The following KIAA1671 variants were observed in gnomAD, a reference collection of about 807,000 sequenced individuals.
KIAA1671 encodes uncharacterized protein KIAA1671.
A neutral mutation model predicts 131.2 loss-of-function variants in KIAA1671; 52 were observed. The observed-to-expected ratio is 0.40, with a 90% CI of 0.32 to 0.50. KIAA1671 has a LOEUF of 0.50. Among genes scored for constraint, KIAA1671 ranks in the 20% least tolerant of loss-of-function variants. The pLI is 0.73. For synonymous variants in KIAA1671, 1,003 were observed against 961.6 expected, an observed-to-expected ratio of 1.04 and a Z score of -0.80; for missense variants, 2,360 against 2,364.2, an observed-to-expected ratio of 1.00 and a Z score of 0.04.
At chr22:25,155,605 T>G (rs1250830007) in intron 6 of KIAA1671, among the ~76,000 whole-genome samples, 4 of 152,080 alleles carry the variant, frequency 2.6e-5, no homozygotes, top group Admixed American at 2.6e-4. Context: ...TGTGCTTGTG[T>G]ATATTTGTGT....
intron 6 of KIAA1671, chr22:25,050,148 T>C (rs1927460466): frequency 6.6e-6 from 1 of 152,464 alleles, no homozygotes; most frequent in Non-Finnish European, 1.5e-5. Flanking sequence ...TGGCTCTTGC[T>C]TATCTCTGTG....
chr22:25,029,337 G>T lies in KIAA1671; in HGVS notation c.1338G>T (p.Glu446Asp). The T allele has an allele frequency of 2.6e-6, 4 of 1,549,202 alleles. No individual in the cohort carries two copies. Among genetic ancestry groups the T allele is most frequent in the Non-Finnish European group, 3.5e-6 (4 of 1,145,652 alleles). The part of the protein sequence containing the change: ...SVRKCISLFR[E>D]DSTLALAVGS... ...GGAAGTGCATCAGCCTGTTTCGGGA[G>T]GACAGCACCTTGGCCTTGGCAGTGG... The change falls in exon 3 of 13, where the codon GAG becomes GAT. Residue 446 changes from glutamate to aspartate, a missense_variant. By Grantham distance (45) the Glu-to-Asp change is conservative. Around this residue, in one of 3 missense-constraint regions of KIAA1671, gnomAD observed 1,185 missense variants for 1,126.2 expected, o/e 1.05. Coordinates refer to ENST00000358431, the MANE Select transcript of KIAA1671 (RefSeq NM_001145206.2).
At chr22:25,168,874 C>CA (rs1329384488) in intron 6 of KIAA1671, among the ~76,000 whole-genome samples, 1 of 151,910 alleles carries the variant, frequency 6.6e-6, no homozygotes, top group East Asian at 1.9e-4. Flanking sequence ...TTGTTTGGAG[C>CA]AAGGGTAGGG....
chr22:25,018,669 A>G (rs1051650323), intron 1 of KIAA1671, among the ~76,000 whole-genome samples: 1 of 152,186 alleles, frequency 6.6e-6, no homozygotes, highest in African/African-American at 2.4e-5. Flanking sequence ...ATTTGTCCTT[A>G]CATGTCTGCT....
At position 25,170,858 on chromosome 22, in the gene KIAA1671, A is replaced by C; in HGVS notation, c.4569A>C (p.Glu1523Asp). ...AGTGTTTCTCCCGGCAGCCCACTGA[A>C]CCCAAGGACACTGACACCCTCGTGC... ...LKQCFSRQPT[E>D]PKDTDTLVHE... The change falls in exon 7 of 13, where the codon GAA becomes GAC. Residue 1523 changes from glutamate to aspartate, a missense_variant. Around this residue, in one of 3 missense-constraint regions of KIAA1671, gnomAD observed 1,161 missense variants for 1,204.7 expected, o/e 0.96. Coordinates refer to ENST00000358431, the MANE Select transcript of KIAA1671 (RefSeq NM_001145206.2). 1 of 1,551,608 alleles carries C rather than the reference A, an allele frequency of 6.4e-7. No homozygotes were observed. The highest frequency in any genetic ancestry group is 8.7e-7 in the Non-Finnish European group (1 of 1,146,990).
At chr22:25,187,129 C>A (rs774058692) in intron 11 of KIAA1671, among the ~76,000 whole-genome samples, 168 of 152,178 alleles carry the variant, frequency 1.1e-3, no homozygotes, top group Non-Finnish European at 1.9e-3. Context: ...CAGGTGCAGA[C>A]CCCCACTGTA....
At chr22:25,169,228 G>A (rs1297487222) in intron 6 of KIAA1671, among the ~76,000 whole-genome samples, 1 of 151,956 alleles carries the variant, frequency 6.6e-6, no homozygotes, top group Non-Finnish European at 1.5e-5. Flanking sequence ...ACCAGCCTGG[G>A]CAACATGACG....
intron 6 of KIAA1671, among the ~76,000 whole-genome samples, chr22:25,150,902 G>C (rs1046243971): frequency 6.8e-6 from 1 of 146,580 alleles, no homozygotes; most frequent in South Asian, 2.2e-4. Flanking sequence ...GCGCAATCTC[G>C]GCTTACTGCA....
intron 10 of KIAA1671, among the ~76,000 whole-genome samples, chr22:25,182,155 G>A (rs1030895985): frequency 1.1e-4 from 16 of 151,460 alleles, no homozygotes; most frequent in African/African-American, 3.9e-4. Context: ...CTCCAGCCTG[G>A]GCGACAGAGC....
At chr22:25,114,624 T>C (rs1159523628) in intron 6 of KIAA1671, among the ~76,000 whole-genome samples, 1 of 152,180 alleles carries the variant, frequency 6.6e-6, no homozygotes, top group Non-Finnish European at 1.5e-5. Flanking sequence ...GATCGTGCAT[T>C]GATGTGCTGG....
chr22:25,116,169 C>T (rs1259120752), intron 6 of KIAA1671, among the ~76,000 whole-genome samples: 3 of 152,114 alleles, frequency 2.0e-5, no homozygotes, highest in Non-Finnish European at 2.9e-5. Flanking sequence ...GCCTCGATAC[C>T]CTGCGTTCAA....
rs1926855646 is a variant in KIAA1671, at chr22:25,040,523, G to T, written c.3393G>T (p.Trp1131Cys). 3.4e-5 allele frequency: 52 copies of T among 1,551,816 alleles called. No homozygotes were observed. The South Asian group carries it at 5.9e-4, about 18-fold the overall frequency. ...NGRIIDVDAL[W>C]SHRGSEDGPR... ...GAATCATTGATGTGGATGCCTTATG[G>T]AGTCATCGGGGATCAGAAGATGGCC... is the stretch of plus-strand genomic sequence containing the variant. The change falls in exon 5 of 13, where the codon TGG becomes TGT. Residue 1131 changes from tryptophan to cysteine, a missense_variant. By Grantham distance (215) the Trp-to-Cys change is radical (BLOSUM62 -2). Coordinates refer to ENST00000358431, the MANE Select transcript of KIAA1671 (RefSeq NM_001145206.2).
At chr22:25,149,909 G>C (rs553932356) in intron 6 of KIAA1671, among the ~76,000 whole-genome samples, 1 of 152,212 alleles carries the variant, frequency 6.6e-6, no homozygotes, top group South Asian at 2.1e-4. Flanking sequence ...CCACCTCCAG[G>C]AAGCCTTCCC....
intron 1 of KIAA1671, among the ~76,000 whole-genome samples, chr22:24,953,818 T>C (rs1185851544): frequency 6.6e-6 from 1 of 152,124 alleles, no homozygotes; most frequent in Non-Finnish European, 1.5e-5. Flanking sequence ...GACTGAACTT[T>C]CTCTAGCCAG....
intron 1 of KIAA1671, among the ~76,000 whole-genome samples, chr22:25,005,609 C>A (rs974030452): frequency 1.3e-5 from 2 of 152,192 alleles, no homozygotes; most frequent in African/African-American, 4.8e-5. Context: ...TAACCCAAGA[C>A]CTCTACTTTA....
At chr22:25,037,335 A>G (rs997295566) in intron 4 of KIAA1671, among the ~76,000 whole-genome samples, 3 of 152,118 alleles carry the variant, frequency 2.0e-5, no homozygotes, top group Non-Finnish European at 2.9e-5. Flanking sequence ...AAATATGTAT[A>G]TATGTGTATA....
At chr22:24,997,844 A>G (rs1300310655) in intron 1 of KIAA1671, among the ~76,000 whole-genome samples, 1 of 152,146 alleles carries the variant, frequency 6.6e-6, no homozygotes, top group Non-Finnish European at 1.5e-5. Flanking sequence ...GGTCCCAGAG[A>G]GCATCTTTAT....
intron 1 of KIAA1671, among the ~76,000 whole-genome samples, chr22:24,957,671 C>CTTTTTTTTTTTT (rs886130979): frequency 3.0e-5 from 3 of 100,322 alleles, no homozygotes; most frequent in Admixed American, 1.0e-4. Flanking sequence ...TCTTTTGTTC[C>CTTTTTTTTTTTT]TTTTTTTTTT....
chr22:24,984,912 CAAAAAAAAAAAAA>C (rs60969204), intron 1 of KIAA1671, among the ~76,000 whole-genome samples: 1 of 54,416 alleles, frequency 1.8e-5, no homozygotes, highest in South Asian at 9.1e-4. Flanking sequence ...GACTACGTCT[CAAAAAAAAAAAAA>C]AAAAAAAAAA....
Sources: allele counts gnomAD v4.1 joint callset (sites outside exome capture counted in the v4.1 genomes callset), GRCh38; gene constraint gnomAD v4.1.1; regional missense constraint gnomAD v4.1.1; transcripts MANE v1.5; gene names NCBI Gene and HGNC (gene_info 2026-07-23, HGNC 2026-07-21).